METTL22: variants seen among roughly 807,000 people sequenced by gnomAD.
METTL22 encodes methyltransferase 22, Kin17 lysine.
A neutral mutation model predicts 48.4 loss-of-function variants in METTL22; 51 were observed. The ratio of observed to expected loss-of-function variants is 1.05; its 90% CI spans 0.84 to 1.33. METTL22 has a LOEUF of 1.33. Among genes scored for constraint, METTL22 ranks in the 40% most tolerant of loss-of-function variants. The pLI, the probability that METTL22 is intolerant of heterozygous loss-of-function variation, is 0.00. For missense variants in METTL22, 678 were observed against 526.9 expected (o/e 1.29, Z -2.81); for synonymous variants, 255 against 214.1 (o/e 1.19, Z -1.67).
At chr16:8,628,582 A>G in intron 2 of METTL22, 148 bp from the exon 3 acceptor site, 3 of 1,064,492 alleles carry the variant, frequency 2.8e-6, no homozygotes, top group Non-Finnish European at 3.9e-6. Context: ...AGCTGAATCA[A>G]GTGGGCCTTT....
chr16:8,662,662 C>G, the METTL22 span, among the ~76,000 whole-genome samples: 8 of 143,774 alleles, frequency 5.6e-5, 2 homozygotes, highest in Admixed American at 2.1e-4. Flanking sequence ...GTCCTGGAGA[C>G]AGGGACAAAA....
At chr16:8,661,447 C>T in the METTL22 span, among the ~76,000 whole-genome samples, 2 of 146,054 alleles carry the variant, frequency 1.4e-5, no homozygotes, top group African/African-American at 5.1e-5. Flanking sequence ...GAGATCGAGA[C>T]CATCCTGGCT....
At chr16:8,649,963 T>C (rs1159844876), downstream of METTL22, among the ~76,000 whole-genome samples, 1 of 152,196 alleles carries the variant, frequency 6.6e-6, no homozygotes, top group East Asian at 1.9e-4. Context: ...TCCCGGGTGA[T>C]GCTGATGATG....
downstream of METTL22, among the ~76,000 whole-genome samples, chr16:8,649,846 C>A (rs543108717): frequency 6.6e-6 from 1 of 151,690 alleles, no homozygotes; most frequent in East Asian, 1.9e-4. Context: ...AAACTGTGGT[C>A]CCCAAAGCTT....
At chr16:8,645,606 G>C (rs1346642444) in intron 10 of METTL22, among the ~76,000 whole-genome samples, 1 of 71,296 alleles carries the variant, frequency 1.4e-5, no homozygotes, top group African/African-American at 5.5e-5. Flanking sequence ...ACCCTATCTC[G>C]ACAAAAATCA....
chr16:8,632,657 G>A (rs1245173858), intron 3 of METTL22, among the ~76,000 whole-genome samples: 1 of 152,188 alleles, frequency 6.6e-6, no homozygotes, highest in Non-Finnish European at 1.5e-5. Context: ...CCGAGCCTGT[G>A]CTCTCTCAGA....
At chr16:8,639,428 C>G in intron 6 of METTL22, 1 of 529,128 alleles carries the variant, frequency 1.9e-6, no homozygotes, top group East Asian at 3.2e-5. Context: ...CTGAGCTGGT[C>G]TCCCCAGCTC....
the METTL22 span, among the ~76,000 whole-genome samples, chr16:8,662,156 T>C: frequency 0.76 from 109,069 of 144,310 alleles, 45,849 homozygotes; most frequent in East Asian, 0.99. Flanking sequence ...GCAAGAGAAT[T>C]GTTTGAGCCC....
At chr16:8,660,652 A>G in the METTL22 span, among the ~76,000 whole-genome samples, 1 of 151,864 alleles carries the variant, frequency 6.6e-6, no homozygotes. Flanking sequence ...TAATGGTTTG[A>G]GAATTATAGC....
chr16:8,636,250 A>G (rs2056417767), intron 5 of METTL22, among the ~76,000 whole-genome samples: 1 of 152,168 alleles, frequency 6.6e-6, no homozygotes, highest in Non-Finnish European at 1.5e-5. Flanking sequence ...AAATTATTAT[A>G]TAGGCCAGGT....
Position 8,642,470 on chromosome 16 carries a change from C to G in METTL22, c.915C>G (p.Tyr305Ter). 1.9e-6 allele frequency: 3 copies of G among 1,614,104 alleles called. No individual in the cohort carries two copies. Among genetic ancestry groups the G allele is most frequent in the Non-Finnish European group, 2.5e-6 (3 of 1,179,964 alleles). Residue 305 changes from tyrosine (Y) to a stop codon, truncating the protein, a stop_gained, in exon 9 of 11, where the codon TAC becomes TAG. Coordinates refer to ENST00000381920, the MANE Select transcript of METTL22 (RefSeq NM_024109.4). LOFTEE classifies it high-confidence loss of function. ...TTILFAAEVFYDDDLTDAVFK... is the reference protein window; with the variant it reads ...TTILFAAEVF The stretch of plus-strand genomic sequence containing the variant: ...CCTTTTTGCTTCCCACAGTGTTTTA[C>G]GACGACGACTTGACTGATGCTGTGT...
intron 3 of METTL22, among the ~76,000 whole-genome samples, chr16:8,630,512 A>T (rs1054171668): frequency 6.6e-6 from 1 of 151,968 alleles, no homozygotes; most frequent in Non-Finnish European, 1.5e-5. Flanking sequence ...CTTTCGAAAG[A>T]GGCTTGGAAA....
chr16:8,650,074 C>A (rs2056872054), downstream of METTL22, among the ~76,000 whole-genome samples: 1 of 152,172 alleles, frequency 6.6e-6, no homozygotes, highest in South Asian at 2.1e-4. Flanking sequence ...ACCTGTGATC[C>A]CAGCACTTTG....
intron 6 of METTL22, 35 bp from the exon 7 acceptor site, chr16:8,641,096 A>C: frequency 1.3e-6 from 2 of 1,600,004 alleles, no homozygotes; most frequent in Non-Finnish European, 1.7e-6. Context: ...TGATGTTTAG[A>C]GTTTGGAAAG....
intron 2 of METTL22, among the ~76,000 whole-genome samples, chr16:8,628,266 C>T (rs1218528210): frequency 2.0e-5 from 3 of 152,188 alleles, no homozygotes; most frequent in Admixed American, 6.5e-5. Context: ...TGGCATGGTA[C>T]TTGGCACACA....
At chr16:8,627,654 G>T (rs992952040) in intron 2 of METTL22, among the ~76,000 whole-genome samples, 1 of 152,178 alleles carries the variant, frequency 6.6e-6, no homozygotes, top group Non-Finnish European at 1.5e-5. Flanking sequence ...CCACAGCCAT[G>T]CCCAGTCATT....
chr16:8,641,043 T>C (rs1391450567), intron 6 of METTL22, 88 bp from the exon 7 acceptor site: 2 of 1,270,646 alleles, frequency 1.6e-6, no homozygotes, highest in East Asian at 2.4e-5. Context: ...GGTGGATAGA[T>C]GGATCTTCAT....
At chr16:8,651,055 G>A (rs2056887453), downstream of METTL22, among the ~76,000 whole-genome samples, 1 of 151,402 alleles carries the variant, frequency 6.6e-6, no homozygotes, top group Non-Finnish European at 1.5e-5. Flanking sequence ...GGGAAAAAAA[G>A]AGGGTAAGAA....
intron 3 of METTL22, among the ~76,000 whole-genome samples, chr16:8,629,900 A>G (rs1362340): frequency 0.99 from 150,358 of 152,272 alleles, 74,267 homozygotes; most frequent in Middle Eastern, 1. Flanking sequence ...AGTCTGCACA[A>G]CCCCTCCTGA....
Sources: allele counts gnomAD v4.1 joint callset (sites outside exome capture counted in the v4.1 genomes callset), GRCh38; gene constraint gnomAD v4.1.1; transcripts MANE v1.5; gene names NCBI Gene and HGNC (gene_info 2026-07-23, HGNC 2026-07-21).